The following TBC1D22A variants were observed in gnomAD, a reference collection of about 807,000 sequenced individuals.
The protein encoded by TBC1D22A is putative GTPase activator.
A neutral mutation model predicts 60.2 loss-of-function variants in TBC1D22A; 38 were observed. The ratio of observed to expected loss-of-function variants is 0.63; its 90% CI spans 0.49 to 0.83. The LOEUF is 0.83. Among genes scored for constraint, TBC1D22A ranks in the 40% least tolerant of loss-of-function variants. The probability of loss-of-function intolerance (pLI) is 0.00; values close to 1 mark genes in which losing one functional copy is unlikely to be tolerated. For missense variants in TBC1D22A, 628 were observed against 701.0 expected (o/e 0.90, Z 1.18); for synonymous variants, 302 against 281.7 (o/e 1.07, Z -0.72).
At chr22:46,794,010 C>G (rs139072346) in intron 3 of TBC1D22A, among the ~76,000 whole-genome samples, 169 bp downstream of exon 3, 2 of 152,186 alleles carry the variant, frequency 1.3e-5, no homozygotes, top group Admixed American at 6.5e-5. Context: ...GAGTGGCCTG[C>G]GCTCTTTCCT....
At chr22:47,021,694 A>G (rs2062095614) in intron 10 of TBC1D22A, among the ~76,000 whole-genome samples, 1 of 152,260 alleles carries the variant, frequency 6.6e-6, no homozygotes, top group African/African-American at 2.4e-5. Context: ...ACTGTGACCC[A>G]TACAGACTCA....
rs1160862241 is a variant in TBC1D22A at position 47,065,160 on chromosome 22, TA to T, written c.1329+27964del. On this transcript the variant is annotated intron_variant, in intron 11 of 12. Coordinates refer to ENST00000337137, the MANE Select transcript of TBC1D22A (RefSeq NM_014346.5). ...ACAGGTGCGTGCCAACACGCCCGGC[TA>T]ATTTTTTTGTATTTTTATTAGAGAC... 2.6e-5 allele frequency among the ~76,000 whole-genome samples: 4 copies of T among 152,088 alleles called. No individual in the cohort carries two copies. In the East Asian group the frequency reaches 7.7e-4, roughly 29 times the overall value.
intron 9 of TBC1D22A, among the ~76,000 whole-genome samples, chr22:46,977,827 A>G (rs906503788): frequency 1.3e-5 from 2 of 152,176 alleles, no homozygotes; most frequent in Non-Finnish European, 2.9e-5. Flanking sequence ...CTCATGACCC[A>G]GCGACGCAGC....
At chr22:46,975,646 C>T (rs996395952) in intron 9 of TBC1D22A, among the ~76,000 whole-genome samples, 7 of 152,154 alleles carry the variant, frequency 4.6e-5, no homozygotes, top group East Asian at 1.9e-4. Flanking sequence ...TGAGCCATTG[C>T]GGTAAAGGTT....
intron 4 of TBC1D22A, among the ~76,000 whole-genome samples, chr22:46,815,096 A>T (rs367677904): frequency 6.6e-6 from 1 of 152,168 alleles, no homozygotes; most frequent in African/African-American, 2.4e-5. Context: ...AAGACATTCT[A>T]TTATTTGGGT....
chr22:46,841,174 G>A (rs1202039502), intron 4 of TBC1D22A, among the ~76,000 whole-genome samples: 1 of 152,124 alleles, frequency 6.6e-6, no homozygotes, highest in Non-Finnish European at 1.5e-5. Context: ...CAATGTGATA[G>A]TATTCAAAGG....
intron 8 of TBC1D22A, among the ~76,000 whole-genome samples, chr22:46,933,857 A>C (rs1044604366): frequency 2.0e-5 from 3 of 152,214 alleles, no homozygotes; most frequent in African/African-American, 7.2e-5. Context: ...ACACAGCTTT[A>C]GTGTGAGAGG....
intron 8 of TBC1D22A, among the ~76,000 whole-genome samples, chr22:46,942,691 C>G (rs1047838191): frequency 2.6e-5 from 4 of 152,220 alleles, no homozygotes; most frequent in Admixed American, 6.5e-5. Context: ...CAGGAAGTGC[C>G]TCTTCCTGTA....
chr22:47,103,234 A>G (rs553431526), intron 11 of TBC1D22A, among the ~76,000 whole-genome samples: 16 of 152,232 alleles, frequency 1.1e-4, no homozygotes, highest in African/African-American at 3.6e-4. Context: ...ATTAGAATGA[A>G]GAAGGGGTCA....
intron 12 of TBC1D22A, among the ~76,000 whole-genome samples, chr22:47,167,109 C>T (rs1018312240): frequency 1.3e-4 from 20 of 152,202 alleles, no homozygotes; most frequent in African/African-American, 4.8e-4. Flanking sequence ...TAAATCATCA[C>T]GTTTTCTCCC....
At chr22:47,049,472 G>C (rs2063140437) in intron 11 of TBC1D22A, among the ~76,000 whole-genome samples, 1 of 152,346 alleles carries the variant, frequency 6.6e-6, no homozygotes, top group South Asian at 2.1e-4. Context: ...GTTTTCTAAA[G>C]TGTTAATTTT....
rs976038226 is a variant in TBC1D22A, at chr22:47,174,905, C to T, written c.*1279C>T. 1 of 152,408 alleles carries T rather than the reference C, an allele frequency of 6.6e-6. No homozygotes were observed. Among genetic ancestry groups the T allele is most frequent in the Non-Finnish European group, 1.5e-5 (1 of 68,128 alleles). 9.4% of individuals were successfully genotyped at this position (152,408 alleles called of 1,614,324 possible). A position where few individuals can be genotyped will look rare whatever the true frequency, so the allele number is the denominator to read the frequency against. Reference sequence around the variant, plus strand: ...CCTTGGGACTGGCTTCCCAGCGTTCCCTCGGTGTGTCACAGGCTGCATGAC... The same window carrying T: ...CCTTGGGACTGGCTTCCCAGCGTTCTCTCGGTGTGTCACAGGCTGCATGAC... On this transcript the variant is annotated 3_prime_UTR_variant, in exon 13 of 13. Coordinates refer to ENST00000337137, the MANE Select transcript of TBC1D22A (RefSeq NM_014346.5).
Position 46,882,333 on chromosome 22 carries a change from A to G in TBC1D22A, c.708+3610A>G, listed in dbSNP as rs549964334. On this transcript the variant is annotated intron_variant, in intron 5 of 12. Transcript: ENST00000337137. ...CTGCCTTCTTCACCTGTGGGTTTCC[A>G]TTCTGGTCACATGTCATTATCACCT... Among the ~76,000 whole-genome samples, 42 of 152,228 alleles carry G rather than the reference A, an allele frequency of 2.8e-4. 1 individual carries two copies. In the East Asian group the frequency reaches 6.8e-3, roughly 24 times the overall value.
chr22:46,766,946 C>G (rs1481765151), intron 1 of TBC1D22A, among the ~76,000 whole-genome samples: 1 of 152,184 alleles, frequency 6.6e-6, no homozygotes, highest in Non-Finnish European at 1.5e-5. Context: ...CTTGCTTTCA[C>G]TAGTGAGATC....
At chr22:46,986,710 AG>A (rs136124) in intron 9 of TBC1D22A, among the ~76,000 whole-genome samples, 42,999 of 151,938 alleles carry the variant, frequency 0.28, 6,136 homozygotes, top group East Asian at 0.3. Context: ...TTGATATGCT[AG>A]GGGTATATAC....
chr22:47,149,044 A>G (rs1489385907), intron 12 of TBC1D22A, among the ~76,000 whole-genome samples: 1 of 152,122 alleles, frequency 6.6e-6, no homozygotes, highest in African/African-American at 2.4e-5. Context: ...AGGCAGAGAT[A>G]AGGGAGAGAG....
At chr22:46,812,206 T>C (rs1214179714) in intron 4 of TBC1D22A, among the ~76,000 whole-genome samples, 1 of 152,186 alleles carries the variant, frequency 6.6e-6, no homozygotes, top group Non-Finnish European at 1.5e-5. Flanking sequence ...TTAGCTGTGC[T>C]CTGAGCTGTG....
intron 1 of TBC1D22A, among the ~76,000 whole-genome samples, chr22:46,787,111 G>A (rs1430698947): frequency 6.6e-6 from 1 of 152,116 alleles, no homozygotes; most frequent in Non-Finnish European, 1.5e-5. Flanking sequence ...ATTTGTTGGT[G>A]TACAGTTGTT....
intron 8 of TBC1D22A, among the ~76,000 whole-genome samples, chr22:46,963,880 C>T (rs1161696319): frequency 6.6e-6 from 1 of 152,352 alleles, no homozygotes; most frequent in African/African-American, 2.4e-5. Context: ...CCCACAGGGA[C>T]ACCTGTTATC....
Sources: gnomAD v4.1 joint callset for allele counts (sites outside exome capture counted in the v4.1 genomes callset) on GRCh38, gnomAD v4.1.1 for gene constraint, MANE v1.5 for transcripts, NCBI Gene and HGNC (gene_info 2026-07-23, HGNC 2026-07-21) for gene names.